Variants in PARN observed in about 807,000 individuals in gnomAD.
The protein encoded by PARN is poly(A)-specific ribonuclease.
Under a neutral mutation model 102.8 loss-of-function variants are expected in PARN, and 71 were observed. The observed-to-expected ratio is 0.69, with a 90% CI of 0.57 to 0.84. The LOEUF (loss-of-function observed/expected upper bound fraction) is 0.84, where lower values mean the gene tolerates loss of function less well. Among genes scored for constraint, PARN ranks in the 40% least tolerant of loss-of-function variants. The pLI, the probability that PARN is intolerant of heterozygous loss-of-function variation, is 0.00. For missense variants in PARN, 782 were observed against 760.9 expected, an observed-to-expected ratio of 1.03 and a Z score of -0.33; for synonymous variants, 261 against 252.9, an observed-to-expected ratio of 1.03 and a Z score of -0.30.
chr16:14,446,514 A>C (rs1198790442), intron 23 of PARN, among the ~76,000 whole-genome samples: 1 of 152,188 alleles, frequency 6.6e-6, no homozygotes, highest in African/African-American at 2.4e-5. Context: ...GTTTTGCTGG[A>C]AACAGTGAAA....
intron 21 of PARN, chr16:14,501,437 A>G (rs1964597241): frequency 9.9e-6 from 1 of 100,540 alleles, no homozygotes; most frequent in East Asian, 2.8e-4. Context: ...AGACTGTCCA[A>G]AAAAAAAAAA....
intron 22 of PARN, among the ~76,000 whole-genome samples, chr16:14,457,751 T>A (rs1269180931): frequency 8.0e-6 from 1 of 125,602 alleles, no homozygotes; most frequent in Admixed American, 1.1e-4. Flanking sequence ...TGAGCCAATA[T>A]CGCACCATTG....
chr16:14,509,616 G>GTCTACCCACCAATATTAAAC (rs1965079484), intron 21 of PARN, among the ~76,000 whole-genome samples: 1 of 152,082 alleles, frequency 6.6e-6, no homozygotes, highest in African/African-American at 2.4e-5. Flanking sequence ...AACATTCAAA[G>GTCTACCCACCAATATTAAAC]TCTACCCACC....
intron 21 of PARN, among the ~76,000 whole-genome samples, chr16:14,499,192 C>T (rs1266896801): frequency 1.3e-5 from 2 of 152,174 alleles, no homozygotes; most frequent in African/African-American, 4.8e-5. Flanking sequence ...GCTGCTGACA[C>T]CAGACCTAAA....
intron 21 of PARN, among the ~76,000 whole-genome samples, chr16:14,528,273 A>T (rs942951180): frequency 6.6e-6 from 1 of 152,140 alleles, no homozygotes; most frequent in Non-Finnish European, 1.5e-5. Flanking sequence ...CTGAAGTGGG[A>T]CCCCCACAAG....
At chr16:14,500,112 G>A (rs1964508394) in intron 21 of PARN, among the ~76,000 whole-genome samples, 1 of 152,164 alleles carries the variant, frequency 6.6e-6, no homozygotes, top group African/African-American at 2.4e-5. Context: ...CTGGAGTGTA[G>A]TAGCACAACC....
chr16:14,530,670 G>C (rs893012936), intron 21 of PARN, among the ~76,000 whole-genome samples: 3 of 152,018 alleles, frequency 2.0e-5, no homozygotes, highest in African/African-American at 7.2e-5. Flanking sequence ...AACCCTCACT[G>C]GGTGAACACT....
At chr16:14,551,090 C>A (rs1482505925) in intron 21 of PARN, among the ~76,000 whole-genome samples, 1 of 151,332 alleles carries the variant, frequency 6.6e-6, no homozygotes, top group African/African-American at 2.4e-5. Flanking sequence ...AGCCATCACG[C>A]CCAGCTAAAT....
chr16:14,599,878 CT>C, intron 12 of PARN, 25 bp downstream of exon 12: 1 of 1,481,878 alleles, frequency 6.7e-7, no homozygotes, highest in Non-Finnish European at 9.4e-7. Flanking sequence ...GTTCTGCAAT[CT>C]TGCTAAAAAG....
chr16:14,518,819 T>C lies in PARN; in HGVS notation c.1480+33202A>G, dbSNP rs772810815. The stretch of plus-strand genomic sequence containing the variant: ...ATTTTAAATAATTACAGAACAGTTA[T>C]ATTTTTAAAAGTGATCTCTAAGAAA... On this transcript the variant is annotated intron_variant, in intron 21 of 23. Transcript: ENST00000437198. 3.3e-5 allele frequency among the ~76,000 whole-genome samples: 5 copies of C among 152,322 alleles called. No homozygotes were observed. The East Asian group carries it at 5.8e-4, about 18-fold the overall frequency.
At chr16:14,534,640 G>C (rs1966532135) in intron 21 of PARN, among the ~76,000 whole-genome samples, 1 of 151,846 alleles carries the variant, frequency 6.6e-6, no homozygotes, top group East Asian at 1.9e-4. Context: ...CTCATTTTCA[G>C]TTTATTTTAT....
intron 21 of PARN, among the ~76,000 whole-genome samples, chr16:14,539,863 G>A (rs936323346): frequency 3.9e-5 from 6 of 152,254 alleles, no homozygotes; most frequent in Admixed American, 6.5e-5. Flanking sequence ...AAAAAATTGC[G>A]TCTGTACTGA....
At chr16:14,570,321 CAAAAAAAAAAA>C (rs59965954) in intron 18 of PARN, among the ~76,000 whole-genome samples, 6 of 63,082 alleles carry the variant, frequency 9.5e-5, no homozygotes, top group South Asian at 8.2e-4. Context: ...GACTCTGTCT[CAAAAAAAAAAA>C]AAAAAAAAAA....
chr16:14,592,807 T>C (rs927464806), intron 13 of PARN, among the ~76,000 whole-genome samples: 3 of 152,188 alleles, frequency 2.0e-5, no homozygotes, highest in Admixed American at 2.0e-4. Flanking sequence ...ATGTTTAATC[T>C]TCCTCTGGCA....
At chr16:14,565,190 T>C (rs1968356099) in intron 18 of PARN, 1 of 152,120 alleles carries the variant, frequency 6.6e-6, no homozygotes, top group Non-Finnish European at 1.5e-5. Context: ...TCTCACAAAA[T>C]AAGCTCATTT....
At chr16:14,447,298 T>C (rs1016006437) in intron 22 of PARN, among the ~76,000 whole-genome samples, 2 of 152,236 alleles carry the variant, frequency 1.3e-5, no homozygotes, top group African/African-American at 4.8e-5. Flanking sequence ...TCCTAAATTA[T>C]GCTTGTAAAT....
intron 15 of PARN, 147 bp downstream of exon 15, chr16:14,584,602 A>T: frequency 2.7e-6 from 2 of 750,780 alleles, no homozygotes; most frequent in South Asian, 3.4e-5. Flanking sequence ...TTTAATTTTT[A>T]TAATATACAA....
intron 21 of PARN, among the ~76,000 whole-genome samples, chr16:14,527,842 A>G (rs1966089793): frequency 6.6e-6 from 1 of 152,324 alleles, no homozygotes; most frequent in Admixed American, 6.5e-5. Flanking sequence ...AATTCAAAAC[A>G]AAAAACTGGC....
rs1302570842 is a variant in PARN, at chr16:14,548,956, A to C, written c.1480+3065T>G. Among the ~76,000 whole-genome samples, 5 of 150,298 alleles carry C rather than the reference A, an allele frequency of 3.3e-5. 1 individual carries two copies. In the East Asian group the frequency reaches 7.9e-4, roughly 24 times the overall value. On this transcript the variant is annotated intron_variant, in intron 21 of 23. Coordinates refer to ENST00000437198, the MANE Select transcript of PARN (RefSeq NM_002582.4). Reference sequence around the variant, plus strand: ...GCAAAAGAAATGACCCTGTCTCAGAAAAGGAAGAGGGGAGGGAAGAAGAGG... The same window carrying C: ...GCAAAAGAAATGACCCTGTCTCAGACAAGGAAGAGGGGAGGGAAGAAGAGG...
Sources: gnomAD v4.1 joint callset for allele counts (sites outside exome capture counted in the v4.1 genomes callset) on GRCh38, gnomAD v4.1.1 for gene constraint, MANE v1.5 for transcripts, NCBI Gene and HGNC (gene_info 2026-07-23, HGNC 2026-07-21) for gene names.